Variants in MBP observed in about 807,000 individuals in gnomAD.
The protein encoded by MBP is myelin basic protein.
MBP carries 16 observed loss-of-function variants against 35.8 expected under a neutral mutation model. The ratio of observed to expected loss-of-function variants is 0.45; its 90% CI spans 0.30 to 0.68. MBP has a LOEUF of 0.68. MBP is among the 30% of genes least tolerant of loss of function. The pLI is 0.08. For synonymous variants in MBP, 143 were observed against 159.6 expected (o/e 0.90, Z 0.78); for missense variants, 380 against 404.7 (o/e 0.94, Z 0.52).
chr18:77,080,848 A>G (rs1414603049), intron 2 of MBP, among the ~76,000 whole-genome samples: 1 of 151,990 alleles, frequency 6.6e-6, no homozygotes. Context: ...ACGCCCAGCT[A>G]ACTGTTGTAT....
intron 2 of MBP, among the ~76,000 whole-genome samples, chr18:77,076,854 C>T (rs1259453970): frequency 3.3e-5 from 5 of 152,186 alleles, no homozygotes; most frequent in Admixed American, 3.3e-4. Flanking sequence ...GTGCTGAGAG[C>T]ATTCTGGAGC....
chr18:77,081,048 G>A (rs1974877764), intron 2 of MBP, among the ~76,000 whole-genome samples: 1 of 152,144 alleles, frequency 6.6e-6, no homozygotes, highest in Non-Finnish European at 1.5e-5. Context: ...TGAAAGTATA[G>A]TCTTAAAACT....
At chr18:77,066,905 T>G (rs1974221123) in intron 2 of MBP, among the ~76,000 whole-genome samples, 1 of 152,220 alleles carries the variant, frequency 6.6e-6, no homozygotes, top group Non-Finnish European at 1.5e-5. Context: ...TGTGGTGTTA[T>G]GGGGTGGGCC....
chr18:77,041,688 A>G (rs1568308286), intron 3 of MBP, among the ~76,000 whole-genome samples: 1 of 150,580 alleles, frequency 6.6e-6, no homozygotes, highest in African/African-American at 2.4e-5. Flanking sequence ...ACAAAAAACC[A>G]AACACCGCGT....
intron 4 of MBP, chr18:77,006,812 C>G (rs1486039567): frequency 1.3e-5 from 2 of 152,338 alleles, no homozygotes; most frequent in Non-Finnish European, 2.9e-5. Flanking sequence ...TGTTCTTTGC[C>G]TTGTTGCCTA....
rs182266371 is a variant in MBP, at chr18:76,994,865, A to T, written c.577-4805T>A. Among the ~76,000 whole-genome samples the T allele has an allele frequency of 2.6e-5, 4 of 152,358 alleles. No individual in the cohort carries two copies. In the East Asian group the frequency reaches 7.7e-4, roughly 29 times the overall value. ...GTCTTCAGTGAATGGAATAATTTTCATAGGATCATACACATTTTTTGGTTA... is the reference window on the plus strand; with the variant it reads ...GTCTTCAGTGAATGGAATAATTTTCTTAGGATCATACACATTTTTTGGTTA... On this transcript the variant is annotated intron_variant, in intron 4 of 8. Transcript: ENST00000355994.
chr18:77,095,911 G>A (rs1425167824), intron 2 of MBP, among the ~76,000 whole-genome samples: 2 of 152,238 alleles, frequency 1.3e-5, no homozygotes, highest in Non-Finnish European at 2.9e-5. Flanking sequence ...CAAAAACAAA[G>A]TTTACGCTCA....
Position 77,016,973 on chromosome 18 carries a change from T to C in MBP, c.435A>G (p.Gly145=), listed in dbSNP as rs1048688. ...ASQKRPSQRH[G]SKYLATASTM... The stretch of plus-strand genomic sequence containing the variant: ...TACTTGCTGTGGCCAGGTACTTGGA[T>C]CCGTGCCTCTGGGAGGGTCTCTTCT... Residue 145 remains glycine (G), a synonymous_variant, in exon 4 of 9, where the codon GGA becomes GGG. Transcript: ENST00000355994. 1 of 1,614,000 alleles carries C rather than the reference T, an allele frequency of 6.2e-7. No individual in the cohort carries two copies. The highest frequency in any genetic ancestry group is 1.1e-5 in the South Asian group (1 of 91,068).
At chr18:77,121,799 C>T (rs1599281084) in intron 1 of MBP, among the ~76,000 whole-genome samples, 1 of 152,184 alleles carries the variant, frequency 6.6e-6, no homozygotes, top group Non-Finnish European at 1.5e-5. Flanking sequence ...CTGGTGCTCA[C>T]ACTTCATAAA....
At chr18:77,036,886 G>A in intron 3 of MBP, among the ~76,000 whole-genome samples, 1 of 117,208 alleles carries the variant, frequency 8.5e-6, no homozygotes. Context: ...GTCACGTTTT[G>A]GAGACTGAGC....
chr18:77,060,332 C>A (rs1973917732), intron 3 of MBP, among the ~76,000 whole-genome samples: 1 of 151,790 alleles, frequency 6.6e-6, no homozygotes, highest in Admixed American at 6.6e-5. Context: ...TCCTCAGAGG[C>A]ACATGAAAAA....
chr18:77,067,732 A>G (rs1188809257), intron 2 of MBP: 4 of 457,352 alleles, frequency 8.7e-6, no homozygotes, highest in Non-Finnish European at 1.8e-5. Context: ...CTCTGCACTT[A>G]AGTTTGTACC....
chr18:77,053,547 C>A (rs1485887981), intron 3 of MBP, among the ~76,000 whole-genome samples: 1 of 113,992 alleles, frequency 8.8e-6, no homozygotes, highest in Non-Finnish European at 1.8e-5. Flanking sequence ...TCACAAAGCA[C>A]ACACGGGTAC....
At chr18:76,985,916 T>G (rs1443620780) in intron 7 of MBP, 3 of 986,628 alleles carry the variant, frequency 3.0e-6, no homozygotes, top group Non-Finnish European at 3.6e-6. Context: ...CCCCTCTGGC[T>G]TCCTCATGGG....
Position 76,988,791 on chromosome 18 carries a change from C to G in MBP, c.717+86G>C. 2 of 1,476,496 alleles carry G rather than the reference C, an allele frequency of 1.4e-6. No individual in the cohort carries two copies. The highest frequency in any genetic ancestry group is 1.9e-6 in the Non-Finnish European group (2 of 1,078,214). The allele number at this position is 1,476,496 out of a possible 1,614,324, so 91.5% of individuals were successfully genotyped here. On this transcript the variant is annotated intron_variant, in intron 6 of 8. Transcript: ENST00000355994. The surrounding 1 kb of genome is among the most constrained non-coding windows in gnomAD (Gnocchi z 5.2). ...TGGGATGGATTCTGGTAGCTCGGAGCCTAACTCTCTCTTTGGTACATTATG... is the reference window on the plus strand; with the variant it reads ...TGGGATGGATTCTGGTAGCTCGGAGGCTAACTCTCTCTTTGGTACATTATG...
chr18:77,035,617 C>T (rs551808186), intron 3 of MBP, among the ~76,000 whole-genome samples: 9 of 152,266 alleles, frequency 5.9e-5, no homozygotes, highest in South Asian at 2.1e-4. Context: ...CTGCAGACGA[C>T]GCTAATGCAA....
At chr18:77,104,692 G>T (rs1976188175) in intron 2 of MBP, among the ~76,000 whole-genome samples, 1 of 152,166 alleles carries the variant, frequency 6.6e-6, no homozygotes. Context: ...GCTAGTTAGA[G>T]AGAATGCAGT....
intron 4 of MBP, among the ~76,000 whole-genome samples, chr18:77,007,608 A>G (rs1382755751): frequency 1.3e-5 from 2 of 152,142 alleles, no homozygotes; most frequent in Non-Finnish European, 2.9e-5. Flanking sequence ...TTTTCCCTTC[A>G]TTCCATAGAC....
chr18:77,057,077 G>T (rs1477719514), intron 3 of MBP, among the ~76,000 whole-genome samples: 1 of 152,184 alleles, frequency 6.6e-6, no homozygotes, highest in Non-Finnish European at 1.5e-5. Flanking sequence ...CTACAATGAA[G>T]CAGGGTAAAT....
Sources: allele counts gnomAD v4.1 joint callset (sites outside exome capture counted in the v4.1 genomes callset), GRCh38; gene constraint gnomAD v4.1.1; non-coding constraint Gnocchi (gnomAD v3.1); transcripts MANE v1.5; gene names NCBI Gene and HGNC (gene_info 2026-07-23, HGNC 2026-07-21).